The following ROBO2 variants were observed in gnomAD, a reference collection of about 807,000 sequenced individuals.
ROBO2 encodes roundabout guidance receptor 2.
In ROBO2, 53 loss-of-function variants were observed where a neutral mutation model predicts 160.8. The observed-to-expected ratio is 0.33, with a 90% CI of 0.26 to 0.41. The LOEUF is 0.41. Ranked by LOEUF, ROBO2 falls within the 10% of genes least tolerant of loss-of-function variation. The pLI is 1.00. For synonymous variants in ROBO2, 664 were observed against 611.7 expected (o/e 1.09, Z -1.26); for missense variants, 1,577 against 1,722.4 (o/e 0.92, Z 1.49).
At chr3:76,553,613 A>G (rs919414093) in intron 2 of ROBO2, among the ~76,000 whole-genome samples, 7 of 152,282 alleles carry the variant, frequency 4.6e-5, no homozygotes, top group Non-Finnish European at 1.0e-4. Context: ...ATTCATCACT[A>G]TGGATCCTGG....
At chr3:76,387,084 A>G (rs902124386) in intron 2 of ROBO2, among the ~76,000 whole-genome samples, 3 of 152,140 alleles carry the variant, frequency 2.0e-5, no homozygotes, top group East Asian at 1.9e-4. Context: ...TCTGGTGACA[A>G]TTGCTCTCTG....
chr3:77,184,587 C>A (rs1447632434), intron 2 of ROBO2, among the ~76,000 whole-genome samples: 1 of 151,858 alleles, frequency 6.6e-6, no homozygotes, highest in Non-Finnish European at 1.5e-5. Flanking sequence ...TGGGTTTGCA[C>A]ATCAGGGAGA....
In ROBO2 at chr3:76,435,420, G is replaced by T; in HGVS notation, c.109+497818G>T. 5 of 776,694 alleles carry T rather than the reference G, an allele frequency of 6.4e-6. No homozygotes were observed. In the South Asian group the frequency reaches 6.7e-5, roughly 10 times the overall value. 48.1% of individuals were successfully genotyped at this position (776,694 alleles called of 1,614,324 possible). A position where few individuals can be genotyped will look rare whatever the true frequency, so the allele number is the denominator to read the frequency against. On this transcript the variant is annotated intron_variant, in intron 2 of 26. Coordinates refer to the ROBO2 transcript ENST00000487694. ...GTTGGTCACCACAGTGACAGAAATT[G>T]CTGGATAGGCAAAGTGTCTCTGGGT...
In ROBO2 at chr3:76,322,205, A is replaced by ATAT. The variant is rs1312678237; in HGVS notation, c.109+384604_109+384606dup. On this transcript the variant is annotated intron_variant, in intron 2 of 26. Coordinates refer to the ROBO2 transcript ENST00000487694. Reference sequence around the variant, plus strand: ...ATATATATATATATATATATATATAATATACACACACATATATACACACAG... The same window carrying ATAT: ...ATATATATATATATATATATATATAATATTATACACACACATATATACACACAG... 6.3e-4 allele frequency among the ~76,000 whole-genome samples: 61 copies of ATAT among 97,574 alleles called. No individual in the cohort carries two copies. The South Asian group carries it at 7.6e-3, about 12-fold the overall frequency. The allele number at this position is 97,574 out of a possible 152,430, so 64.0% of individuals were successfully genotyped here. A position where few individuals can be genotyped will look rare whatever the true frequency, so the allele number is the denominator to read the frequency against.
chr3:76,941,790 G>A (rs1315746850), intron 2 of ROBO2, among the ~76,000 whole-genome samples: 1 of 152,142 alleles, frequency 6.6e-6, no homozygotes, highest in Non-Finnish European at 1.5e-5. Flanking sequence ...CTTGATCACT[G>A]CTGTGGTTAC....
At chr3:76,203,779 C>T (rs180744045) in intron 2 of ROBO2, among the ~76,000 whole-genome samples, 21 of 149,324 alleles carry the variant, frequency 1.4e-4, no homozygotes, top group Admixed American at 8.7e-4. Flanking sequence ...AGCGGCTTCC[C>T]GGTCAACAGA....
At chr3:76,773,540 G>C (rs2062046189) in intron 2 of ROBO2, among the ~76,000 whole-genome samples, 1 of 149,580 alleles carries the variant, frequency 6.7e-6, no homozygotes, top group Non-Finnish European at 1.5e-5. Context: ...TTTGTGAAGA[G>C]CTTCAAAATT....
At chr3:77,070,192 G>T (rs1411048829) in intron 1 of ROBO2, among the ~76,000 whole-genome samples, 1 of 152,110 alleles carries the variant, frequency 6.6e-6, no homozygotes, top group Admixed American at 6.6e-5. Context: ...AACCAACTCT[G>T]CCAACATCTT....
chr3:76,632,630 T>C (rs2090093402), intron 2 of ROBO2, among the ~76,000 whole-genome samples: 1 of 152,230 alleles, frequency 6.6e-6, no homozygotes, highest in South Asian at 2.1e-4. Flanking sequence ...AAGAATATCT[T>C]ATCAATATGC....
At chr3:77,253,646 G>C (rs533947111) in intron 2 of ROBO2, among the ~76,000 whole-genome samples, 1 of 152,052 alleles carries the variant, frequency 6.6e-6, no homozygotes, top group Non-Finnish European at 1.5e-5. Context: ...ATCATGAAAA[G>C]CACAATTATT....
At chr3:77,519,145 G>A (rs2090331674) in intron 5 of ROBO2, among the ~76,000 whole-genome samples, 3 of 151,236 alleles carry the variant, frequency 2.0e-5, no homozygotes, top group South Asian at 2.1e-4. Flanking sequence ...CACAAGGAAG[G>A]TAATATGCAA....
At chr3:76,190,900 T>C (rs1336914711) in intron 2 of ROBO2, among the ~76,000 whole-genome samples, 1 of 152,136 alleles carries the variant, frequency 6.6e-6, no homozygotes, top group African/African-American at 2.4e-5. Context: ...AGTTCGTTCA[T>C]ATGCCAGACT....
chr3:77,294,680 T>G (rs2153401152), intron 2 of ROBO2, among the ~76,000 whole-genome samples: 1 of 149,360 alleles, frequency 6.7e-6, no homozygotes, highest in South Asian at 2.1e-4. Context: ...AATTGATGGT[T>G]AAACGGGTAA....
At chr3:77,407,829 A>G (rs901971987) in intron 2 of ROBO2, among the ~76,000 whole-genome samples, 4 of 152,356 alleles carry the variant, frequency 2.6e-5, no homozygotes, top group Non-Finnish European at 5.9e-5. Context: ...ATAAAGAATG[A>G]TCAAACTTTA....
chr3:76,316,943 G>A (rs1192915600), intron 2 of ROBO2, among the ~76,000 whole-genome samples: 9 of 152,106 alleles, frequency 5.9e-5, no homozygotes, highest in Admixed American at 5.9e-4. Context: ...TGTTGTTCTT[G>A]AAATAACCCC....
At chr3:76,193,413 G>A (rs1559628322) in intron 2 of ROBO2, among the ~76,000 whole-genome samples, 1 of 152,106 alleles carries the variant, frequency 6.6e-6, no homozygotes, top group Non-Finnish European at 1.5e-5. Flanking sequence ...CATTCTCCCA[G>A]TGAATGGTAC....
chr3:76,754,032 T>A lies in ROBO2; in HGVS notation c.110-343982T>A, dbSNP rs1448062874. Reference sequence around the variant, plus strand: ...CTACCTGCTACTAATCTTTGTAAAATTTTTTATTGGTATAAATATAATAAA... The same window carrying A: ...CTACCTGCTACTAATCTTTGTAAAAATTTTTATTGGTATAAATATAATAAA... On this transcript the variant is annotated intron_variant, in intron 2 of 26. Coordinates refer to the ROBO2 transcript ENST00000487694. Among the ~76,000 whole-genome samples the A allele has an allele frequency of 2.0e-5, 3 of 152,010 alleles. No homozygotes were observed. In the East Asian group the frequency reaches 5.8e-4, roughly 30 times the overall value.
At chr3:77,403,801 G>A (rs963740190) in intron 2 of ROBO2, among the ~76,000 whole-genome samples, 2 of 151,872 alleles carry the variant, frequency 1.3e-5, no homozygotes, top group Non-Finnish European at 2.9e-5. Flanking sequence ...ACATTTCTAT[G>A]TACCAAACAT....
At chr3:76,166,472 G>A (rs556618084) in intron 2 of ROBO2, among the ~76,000 whole-genome samples, 18 of 152,082 alleles carry the variant, frequency 1.2e-4, no homozygotes, top group Middle Eastern at 3.4e-3. Flanking sequence ...TGATTTAGCC[G>A]TTGTATTCTA....
Sources: gnomAD v4.1 joint callset for allele counts (sites outside exome capture counted in the v4.1 genomes callset) on GRCh38, gnomAD v4.1.1 for gene constraint, MANE v1.5 for transcripts, NCBI Gene and HGNC (gene_info 2026-07-23, HGNC 2026-07-21) for gene names.